The following GREB1L variants were observed in gnomAD, a reference collection of about 807,000 sequenced individuals.
The protein encoded by GREB1L is GREB1 like retinoic acid receptor coactivator, also known as GREB1-like protein.
A neutral mutation model predicts 200.8 loss-of-function variants in GREB1L; 17 were observed. The ratio of observed to expected loss-of-function variants is 0.08; its 90% confidence interval spans 0.06 to 0.13. The LOEUF (loss-of-function observed/expected upper bound fraction) is 0.13. Among genes scored for constraint, GREB1L ranks in the 10% least tolerant of loss-of-function variants. The pLI is 1.00. For missense variants in GREB1L, 1,657 were observed against 2,367.7 expected (o/e 0.70, Z 6.23); for synonymous variants, 789 against 893.0 (o/e 0.88, Z 2.08).
chr18:21,351,787 A>G (rs533669349), intron 1 of GREB1L, among the ~76,000 whole-genome samples: 1 of 152,274 alleles, frequency 6.6e-6, no homozygotes, highest in Admixed American at 6.5e-5. Flanking sequence ...TACTTCCTGT[A>G]TGGTCATGGA....
At chr18:21,412,890 C>T (rs2031221545) in intron 7 of GREB1L, among the ~76,000 whole-genome samples, 1 of 152,090 alleles carries the variant, frequency 6.6e-6, no homozygotes, top group South Asian at 2.1e-4. Flanking sequence ...ATGTAGTCCT[C>T]ATACTTTGAT....
intron 1 of GREB1L, among the ~76,000 whole-genome samples, chr18:21,254,011 A>G (rs2037758732): frequency 6.7e-6 from 1 of 149,834 alleles, no homozygotes; most frequent in African/African-American, 2.5e-5. Flanking sequence ...TAATTTCAAA[A>G]ACTTTCTGTG....
intron 1 of GREB1L, among the ~76,000 whole-genome samples, chr18:21,365,560 C>G (rs866484906): frequency 6.6e-6 from 1 of 152,088 alleles, no homozygotes; most frequent in Admixed American, 6.5e-5. Flanking sequence ...AATTTTCAAT[C>G]AATAGTAATT....
chr18:21,401,370 A>C (rs1287385016), intron 6 of GREB1L, 44 bp downstream of exon 6: 5 of 1,473,852 alleles, frequency 3.4e-6, no homozygotes, highest in Non-Finnish European at 3.7e-6. Flanking sequence ...TGGAGATTTT[A>C]CGGTGGTGAC....
chr18:21,455,650 C>G (rs1419557683), intron 15 of GREB1L, among the ~76,000 whole-genome samples: 1 of 150,590 alleles, frequency 6.6e-6, no homozygotes, highest in Admixed American at 6.6e-5. Context: ...GCAGTCCAGT[C>G]TGGGTGACAG....
At position 21,395,134 on chromosome 18, in the gene GREB1L, GAAAAAAT is replaced by G. The variant is rs1236670612; in HGVS notation, c.356-249_356-243del. Among the ~76,000 whole-genome samples, 7 of 146,178 alleles carry G rather than the reference GAAAAAAT, an allele frequency of 4.8e-5. No individual in the cohort carries two copies. In the Admixed American group the frequency reaches 4.8e-4, roughly 10 times the overall value. ...AAAAAAAAAAAAAAGAAAAAAAAAA[GAAAAAAT>G]ATGAAGTTGTCGCTTTGGCTGAAGC... On this transcript the variant is annotated intron_variant, in intron 4 of 32. Coordinates refer to ENST00000424526, the MANE Select transcript of GREB1L (RefSeq NM_001142966.3).
At chr18:21,245,049 A>G (rs1478461076) in intron 1 of GREB1L, among the ~76,000 whole-genome samples, 1 of 152,204 alleles carries the variant, frequency 6.6e-6, no homozygotes, top group African/African-American at 2.4e-5. Context: ...TTATTAGGAA[A>G]CTTCTAATTT....
intron 7 of GREB1L, among the ~76,000 whole-genome samples, chr18:21,435,685 CG>C (rs1350260503): frequency 1.3e-5 from 2 of 152,148 alleles, no homozygotes; most frequent in East Asian, 3.9e-4. Flanking sequence ...GAACTTCCAG[CG>C]ATTTGGACTT....
chr18:21,475,424 A>C (rs916274084), intron 16 of GREB1L, among the ~76,000 whole-genome samples: 1 of 152,058 alleles, frequency 6.6e-6, no homozygotes, highest in African/African-American at 2.4e-5. Flanking sequence ...CAGTGATGCG[A>C]TCTCGGCTCA....
intron 16 of GREB1L, among the ~76,000 whole-genome samples, chr18:21,474,888 A>G (rs186230493): frequency 2.0e-5 from 3 of 152,174 alleles, no homozygotes; most frequent in Admixed American, 2.0e-4. Flanking sequence ...TTATGATACT[A>G]TCAGATCTCA....
At chr18:21,339,738 G>A (rs997575425) in intron 1 of GREB1L, among the ~76,000 whole-genome samples, 15 of 152,204 alleles carry the variant, frequency 9.9e-5, no homozygotes, top group African/African-American at 3.4e-4. Flanking sequence ...CATTGGTTAT[G>A]TCTAATGACA....
At chr18:21,487,879 C>T (rs1490069746) in intron 18 of GREB1L, among the ~76,000 whole-genome samples, 10 of 150,320 alleles carry the variant, frequency 6.7e-5, no homozygotes, top group Non-Finnish European at 1.2e-4. Flanking sequence ...GGCGTGGTGG[C>T]GGGCACCTGT....
Position 21,500,029 on chromosome 18 carries a change from T to C in GREB1L, c.3692T>C (p.Val1231Ala). ...GGCCCACAGGCAGCCCTGCCACCAG[T>C]GGTGATCCTATCCAAAGCGGCCTAC... ...CRGPQAALPP[V>A]VILSKAAYSL... Residue 1231 changes from valine to alanine, a missense_variant, in exon 22 of 33, where the codon GTG (valine) becomes GCG (alanine). Around this residue, in one of 9 missense-constraint regions of GREB1L, gnomAD observed 512 missense variants for 668.3 expected, o/e 0.77. Transcript: ENST00000424526. The C allele has an allele frequency of 4.5e-6, 7 of 1,551,450 alleles. No homozygotes were observed. Among genetic ancestry groups the C allele is most frequent in the Non-Finnish European group, 6.1e-6 (7 of 1,146,970 alleles).
At chr18:21,351,282 T>C (rs1410877715) in intron 1 of GREB1L, among the ~76,000 whole-genome samples, 1 of 152,178 alleles carries the variant, frequency 6.6e-6, no homozygotes, top group South Asian at 2.1e-4. Flanking sequence ...TATTTAAAAA[T>C]TAAAACTGTT....
intron 2 of GREB1L, among the ~76,000 whole-genome samples, chr18:21,376,993 C>T (rs2040103241): frequency 6.6e-6 from 1 of 152,074 alleles, no homozygotes; most frequent in South Asian, 2.1e-4. Flanking sequence ...CTACAGACCT[C>T]TGAGATATTA....
intron 2 of GREB1L, among the ~76,000 whole-genome samples, chr18:21,369,910 C>A (rs1414740968): frequency 6.7e-6 from 1 of 149,596 alleles, no homozygotes. Context: ...AATCGCACCA[C>A]CACACTCCAG....
chr18:21,350,953 T>C (rs1257792537), intron 1 of GREB1L, among the ~76,000 whole-genome samples: 1 of 152,176 alleles, frequency 6.6e-6, no homozygotes, highest in South Asian at 2.1e-4. Flanking sequence ...TTATTTATTC[T>C]CATTCTTCTT....
chr18:21,493,387 A>G (rs1444603191), intron 19 of GREB1L, among the ~76,000 whole-genome samples: 1 of 152,128 alleles, frequency 6.6e-6, no homozygotes, highest in Non-Finnish European at 1.5e-5. Flanking sequence ...GAACTCAATG[A>G]TCACCCCATC....
At chr18:21,490,386 C>T (rs574670412) in intron 19 of GREB1L, 35 bp downstream of exon 19, 23 of 1,506,250 alleles carry the variant, frequency 1.5e-5, no homozygotes, top group African/African-American at 5.5e-5. Context: ...CTTTAAAATA[C>T]CATTTGTTTC....
Sources: gnomAD v4.1 joint callset for allele counts (sites outside exome capture counted in the v4.1 genomes callset) on GRCh38, gnomAD v4.1.1 for gene constraint, gnomAD v4.1.1 regional missense constraint, MANE v1.5 for transcripts, NCBI Gene and HGNC (gene_info 2026-07-23, HGNC 2026-07-21) for gene names.